CNDP1: variants seen among roughly 807,000 people sequenced by gnomAD.
The protein encoded by CNDP1 is beta-Ala-His dipeptidase.
In CNDP1, 44 loss-of-function variants were observed where a neutral mutation model predicts 58.1. The observed-to-expected ratio is 0.76, with a 90% CI of 0.60 to 0.97. The LOEUF (loss-of-function observed/expected upper bound fraction) is 0.97, where lower values mean the gene tolerates loss of function less well. CNDP1 is among the 50% of genes least tolerant of loss of function. The pLI is 0.00. For missense variants in CNDP1, 616 were observed against 655.1 expected (o/e 0.94, Z 0.65); for synonymous variants, 254 against 252.6 (o/e 1.01, Z -0.05).
chr18:74,577,190 G>T, intron 8 of CNDP1, 161 bp downstream of exon 8: 1 of 600,282 alleles, frequency 1.7e-6, no homozygotes, highest in South Asian at 3.6e-5. Context: ...CCACTTCCCC[G>T]TGGGCTGGAT....
chr18:74,551,389 CACACAA>C (rs1980905027), intron 1 of CNDP1, among the ~76,000 whole-genome samples: 1 of 149,568 alleles, frequency 6.7e-6, no homozygotes, highest in African/African-American at 2.4e-5. Context: ...CACACACACA[CACACAA>C]ACAAAAACAG....
intron 2 of CNDP1, 58 bp from the exon 3 acceptor site, chr18:74,559,265 C>A: frequency 6.3e-7 from 1 of 1,585,694 alleles, no homozygotes; most frequent in Non-Finnish European, 8.7e-7. Flanking sequence ...CCCTTCGCTC[C>A]CCCCGCAGAG....
intron 7 of CNDP1, chr18:74,574,797 T>C (rs1164308939): frequency 6.6e-6 from 1 of 152,174 alleles, no homozygotes; most frequent in African/African-American, 2.4e-5. Context: ...GGCTCCCCTT[T>C]CCCTGTGATG....
intron 1 of CNDP1, among the ~76,000 whole-genome samples, chr18:74,551,395 A>AC (rs1568293393): frequency 0.017 from 1,902 of 109,482 alleles, 53 homozygotes; most frequent in African/African-American, 0.062. Flanking sequence ...CACACACACA[A>AC]ACAAAAACAG....
chr18:74,543,831 T>C (rs1980689982), intron 1 of CNDP1, among the ~76,000 whole-genome samples: 1 of 152,040 alleles, frequency 6.6e-6, no homozygotes, highest in South Asian at 2.1e-4. Flanking sequence ...ACACCTGTAA[T>C]ACTAGCATTT....
chr18:74,539,805 T>C (rs575298101), intron 1 of CNDP1, among the ~76,000 whole-genome samples: 2 of 152,370 alleles, frequency 1.3e-5, no homozygotes, highest in Admixed American at 6.5e-5. Flanking sequence ...TGAGTCCCCA[T>C]GTGCCTATCA....
At chr18:74,540,387 T>C (rs1227418729) in intron 1 of CNDP1, among the ~76,000 whole-genome samples, 1 of 152,168 alleles carries the variant, frequency 6.6e-6, no homozygotes, top group Non-Finnish European at 1.5e-5. Context: ...CTCAAACTCC[T>C]GACCTCAGGT....
intron 1 of CNDP1, among the ~76,000 whole-genome samples, chr18:74,542,682 G>A (rs1980655707): frequency 1.3e-5 from 2 of 152,272 alleles, no homozygotes; most frequent in South Asian, 4.1e-4. Flanking sequence ...TGCACCACCT[G>A]GCCTGGCTAA....
intron 9 of CNDP1, among the ~76,000 whole-genome samples, chr18:74,579,871 G>A (rs1981743795): frequency 6.6e-6 from 1 of 152,196 alleles, no homozygotes; most frequent in African/African-American, 2.4e-5. Context: ...AGGAATGCAG[G>A]GTAGAGGATA....
intron 1 of CNDP1, among the ~76,000 whole-genome samples, chr18:74,541,281 A>G (rs1448532810): frequency 6.6e-6 from 1 of 152,226 alleles, no homozygotes; most frequent in Non-Finnish European, 1.5e-5. Context: ...CAGGAAAGGC[A>G]CAGTGATCGG....
At position 74,584,664 on chromosome 18, in the gene CNDP1, T is replaced by C. The variant is rs923294568; in HGVS notation, c.*102T>C. ...AAATATCCAGAGAATTTGGGTCTAG[T>C]ATAGTACATTTTCCCTTCCATTTAA... On this transcript the variant is annotated 3_prime_UTR_variant, in exon 12 of 12. Transcript: ENST00000358821. 2.3e-6 allele frequency: 2 copies of C among 856,612 alleles called. No individual in the cohort carries two copies. The highest frequency in any genetic ancestry group is 4.1e-5 in the Admixed American group (2 of 48,844). 53.1% of individuals were successfully genotyped at this position (856,612 alleles called of 1,614,324 possible).
rs1014115730 is a variant in CNDP1 at position 74,586,030 on chromosome 18, T to C, written c.*1468T>C. The stretch of plus-strand genomic sequence containing the variant: ...AAAAAAAAAAAAAAAGCAGAACACA[T>C]TTGCGTTCAACTTTTTTCCATCACT... On this transcript the variant is annotated 3_prime_UTR_variant, in exon 12 of 12. Transcript: ENST00000358821. 2 of 150,400 alleles carry C rather than the reference T, an allele frequency of 1.3e-5. No homozygotes were observed. The highest frequency in any genetic ancestry group is 4.9e-5 in the African/African-American group (2 of 40,810). 9.3% of individuals were successfully genotyped at this position (150,400 alleles called of 1,614,324 possible).
At chr18:74,583,836 A>T in intron 11 of CNDP1, 128 bp downstream of exon 11, 1 of 916,316 alleles carries the variant, frequency 1.1e-6, no homozygotes, top group Non-Finnish European at 1.7e-6. Context: ...GAGCTTAAAG[A>T]ACAGACATTC....
Position 74,560,944 on chromosome 18 carries a change from G to C in CNDP1, c.392G>C (p.Gly131Ala). ...DPTKGTVCFYGHLDVQPADRG... is the reference protein window; with the variant it reads ...DPTKGTVCFYAHLDVQPADRG... ...ACGAAAGGCACCGTGTGCTTCTACG[G>C]CCACTTGGACGTGCAGCCTGCTGAC... Residue 131 changes from glycine to alanine, a missense_variant, in exon 4 of 12, where the codon GGC becomes GCC. Physicochemically the swap from Gly to Ala is moderately conservative, Grantham distance 60 (BLOSUM62 0). Transcript: ENST00000358821. 6.2e-7 allele frequency: 1 copy of C among 1,614,110 alleles called. No homozygotes were observed. Among genetic ancestry groups the C allele is most frequent in the Non-Finnish European group, 8.5e-7 (1 of 1,180,028 alleles).
intron 10 of CNDP1, 33 bp from the exon 11 acceptor site, chr18:74,583,528 A>G (rs370817328): frequency 4.2e-5 from 68 of 1,606,612 alleles, no homozygotes; most frequent in Non-Finnish European, 5.5e-5. Flanking sequence ...TCTTGTCCTT[A>G]CCCTATTCAA....
In CNDP1 at chr18:74,560,827, T is replaced by C. The variant is rs559379510; in HGVS notation, c.304-29T>C. Reference sequence around the variant, plus strand: ...TTCTGGAAGAACAACACAGCATTTTTGAAAATGTGATTCCTGATCATTCTG... The same window carrying C: ...TTCTGGAAGAACAACACAGCATTTTCGAAAATGTGATTCCTGATCATTCTG... On this transcript the variant is annotated intron_variant, in intron 3 of 11. Coordinates refer to ENST00000358821, the MANE Select transcript of CNDP1 (RefSeq NM_032649.6). The C allele has an allele frequency of 2.8e-4, 442 of 1,596,734 alleles. 7 individuals are homozygous for C. In the South Asian group the frequency reaches 4.7e-3, roughly 17 times the overall value.
chr18:74,576,606 C>T (rs1981642848), intron 7 of CNDP1: 2 of 372,732 alleles, frequency 5.4e-6, no homozygotes, highest in South Asian at 9.9e-5. Flanking sequence ...TCATTTGTTG[C>T]AGGCCCAGGT....
chr18:74,581,331 A>C (rs1300709994), intron 10 of CNDP1, among the ~76,000 whole-genome samples: 1 of 150,534 alleles, frequency 6.6e-6, no homozygotes, highest in Non-Finnish European at 1.5e-5. Context: ...TTAACCATGG[A>C]CCCTTGCTCC....
intron 7 of CNDP1, among the ~76,000 whole-genome samples, chr18:74,575,768 A>C (rs1308831386): frequency 1.3e-5 from 2 of 150,178 alleles, no homozygotes; most frequent in African/African-American, 4.9e-5. Context: ...GGGGAAGAGA[A>C]GTTGAGAAGG....
Sources: gnomAD v4.1 joint callset for allele counts (sites outside exome capture counted in the v4.1 genomes callset) on GRCh38, gnomAD v4.1.1 for gene constraint, MANE v1.5 for transcripts, NCBI Gene and HGNC (gene_info 2026-07-23, HGNC 2026-07-21) for gene names.